PLCH1: variants seen among roughly 807,000 people sequenced by gnomAD.
PLCH1 encodes 1-phosphatidylinositol 4,5-bisphosphate phosphodiesterase eta-1.
A neutral mutation model predicts 126.7 loss-of-function variants in PLCH1; 60 were observed. The observed-to-expected ratio is 0.47, with a 90% CI of 0.38 to 0.59. PLCH1 has a LOEUF of 0.59. Among genes scored for constraint, PLCH1 ranks in the 20% least tolerant of loss-of-function variants. The probability of loss-of-function intolerance (pLI) is 0.00; values close to 1 mark genes in which losing one functional copy is unlikely to be tolerated. For missense variants in PLCH1, 1,723 were observed against 2,040.0 expected, an observed-to-expected ratio of 0.84 and a Z score of 2.99; for synonymous variants, 719 against 734.9, an observed-to-expected ratio of 0.98 and a Z score of 0.35.
chr3:155,678,411 A>G (rs961687002), intron 2 of PLCH1, among the ~76,000 whole-genome samples: 46 of 152,238 alleles, frequency 3.0e-4, no homozygotes, highest in African/African-American at 1.1e-3. Flanking sequence ...GCCATGGCCC[A>G]TAAGTGTCTG....
At chr3:155,691,649 C>T (rs1745393850) in intron 2 of PLCH1, among the ~76,000 whole-genome samples, 2 of 152,114 alleles carry the variant, frequency 1.3e-5, no homozygotes, top group African/African-American at 4.8e-5. Context: ...CTCTGGATAC[C>T]ACTTAGTTTT....
intron 21 of PLCH1, among the ~76,000 whole-genome samples, chr3:155,452,495 G>C (rs940828972): frequency 3.9e-5 from 6 of 152,094 alleles, no homozygotes; most frequent in African/African-American, 1.2e-4. Context: ...CTAGAATTGA[G>C]AGTCTAATCT....
At chr3:155,687,576 G>A (rs2109030408) in intron 2 of PLCH1, among the ~76,000 whole-genome samples, 1 of 152,210 alleles carries the variant, frequency 6.6e-6, no homozygotes, top group East Asian at 1.9e-4. Context: ...GAAATGGTAA[G>A]GGATAAGGAA....
At chr3:155,472,166 T>C (rs2107984007) in intron 21 of PLCH1, among the ~76,000 whole-genome samples, 1 of 151,732 alleles carries the variant, frequency 6.6e-6, no homozygotes, top group East Asian at 1.9e-4. Context: ...ATCAACAAAA[T>C]TGATAGACCA....
chr3:155,591,527 T>C (rs1356850799), intron 4 of PLCH1, among the ~76,000 whole-genome samples: 2 of 152,190 alleles, frequency 1.3e-5, no homozygotes, highest in African/African-American at 4.8e-5. Flanking sequence ...TTGCCAGACA[T>C]TAAAGAGATT....
chr3:155,560,309 T>C (rs1248916107), intron 8 of PLCH1, among the ~76,000 whole-genome samples: 1 of 152,178 alleles, frequency 6.6e-6, no homozygotes, highest in African/African-American at 2.4e-5. Context: ...CATGAAAACT[T>C]GTTGAGTGCT....
chr3:155,527,425 G>A (rs1434283323), intron 10 of PLCH1, among the ~76,000 whole-genome samples: 2 of 152,122 alleles, frequency 1.3e-5, no homozygotes, highest in Non-Finnish European at 1.5e-5. Context: ...CATATTTTCG[G>A]AGAAATGTCT....
At chr3:155,623,097 G>A (rs1051700287) in intron 2 of PLCH1, among the ~76,000 whole-genome samples, 2 of 152,112 alleles carry the variant, frequency 1.3e-5, no homozygotes, top group Admixed American at 6.6e-5. Flanking sequence ...TTAGAACTCA[G>A]GATTAAGAAA....
intron 2 of PLCH1, among the ~76,000 whole-genome samples, chr3:155,666,425 C>T (rs1559915066): frequency 6.6e-6 from 1 of 152,126 alleles, no homozygotes; most frequent in East Asian, 1.9e-4. Flanking sequence ...TTAAAATATT[C>T]TCTCTGGTCT....
intron 1 of PLCH1, among the ~76,000 whole-genome samples, chr3:155,739,030 C>T (rs1328916588): frequency 1.3e-5 from 2 of 152,182 alleles, no homozygotes; most frequent in African/African-American, 4.8e-5. Context: ...GATGACATTC[C>T]TGAGCCCAGT....
At chr3:155,673,047 C>CA (rs2108990339) in intron 2 of PLCH1, among the ~76,000 whole-genome samples, 1 of 103,838 alleles carries the variant, frequency 9.6e-6, no homozygotes, top group Admixed American at 9.9e-5. Flanking sequence ...CCTTCTGTTG[C>CA]CTTTTTTTTT....
intron 15 of PLCH1, 104 bp from the exon 16 acceptor site, chr3:155,494,621 G>A (rs528509702): frequency 5.6e-6 from 5 of 895,250 alleles, no homozygotes; most frequent in Non-Finnish European, 8.7e-6. Flanking sequence ...ATAGCAAAAA[G>A]CAGAGCACTA....
intron 1 of PLCH1, among the ~76,000 whole-genome samples, chr3:155,716,143 T>C (rs1747486817): frequency 6.6e-6 from 1 of 152,252 alleles, no homozygotes; most frequent in South Asian, 2.1e-4. Flanking sequence ...AACACATTTC[T>C]ACAACTATTC....
chr3:155,478,620 T>G (rs1713651850), downstream of PLCH1, among the ~76,000 whole-genome samples: 1 of 152,054 alleles, frequency 6.6e-6, no homozygotes, highest in Admixed American at 6.6e-5. Flanking sequence ...ATAATATGTG[T>G]TTTTTGTTTT....
chr3:155,536,596 C>A (rs968093291), intron 10 of PLCH1, among the ~76,000 whole-genome samples: 4 of 151,878 alleles, frequency 2.6e-5, no homozygotes, highest in African/African-American at 4.8e-5. Flanking sequence ...GAAGACAAGG[C>A]TTTTGAATTA....
intron 4 of PLCH1, among the ~76,000 whole-genome samples, chr3:155,591,050 A>G (rs1732099566): frequency 6.6e-6 from 1 of 152,242 alleles, no homozygotes; most frequent in African/African-American, 2.4e-5. Context: ...GTAAACGTGG[A>G]CAATCAGGTT....
rs140070897 is a variant in PLCH1, at chr3:155,618,864, C to A, written c.80-22486G>T. Among the ~76,000 whole-genome samples, 3 of 152,268 alleles carry A rather than the reference C, an allele frequency of 2.0e-5. No individual in the cohort carries two copies. In the East Asian group the frequency reaches 5.8e-4, roughly 29 times the overall value. ...CCAAGTGGCCCATTACCCAAGATAA[C>A]CATTGCAACCAGATAATGCTGACCT... On this transcript the variant is annotated intron_variant, in intron 2 of 22. Coordinates refer to ENST00000460012, the MANE Select transcript of PLCH1 (RefSeq NM_014996.4).
At chr3:155,525,368 A>G (rs1013211403) in intron 10 of PLCH1, among the ~76,000 whole-genome samples, 1 of 152,160 alleles carries the variant, frequency 6.6e-6, no homozygotes, top group African/African-American at 2.4e-5. Context: ...CCCTTCTGTC[A>G]CGTGAGGACA....
chr3:155,593,024 C>G (rs1395684776), intron 4 of PLCH1, among the ~76,000 whole-genome samples: 2 of 152,130 alleles, frequency 1.3e-5, no homozygotes, highest in Admixed American at 1.3e-4. Context: ...CAGCAATACT[C>G]TGGGTGAAGG....
Sources: gnomAD v4.1 joint callset for allele counts (sites outside exome capture counted in the v4.1 genomes callset) on GRCh38, gnomAD v4.1.1 for gene constraint, MANE v1.5 for transcripts, NCBI Gene and HGNC (gene_info 2026-07-23, HGNC 2026-07-21) for gene names.